LRFN5: variants seen among roughly 807,000 people sequenced by gnomAD.
LRFN5 encodes leucine rich repeat and fibronectin type III domain containing 5.
In LRFN5, 24 loss-of-function variants were observed where a neutral mutation model predicts 45.6. That is an observed-to-expected ratio of 0.53 (90% CI 0.38 to 0.74). The LOEUF is 0.74. LRFN5 is among the 30% of genes least tolerant of loss of function. The probability of loss-of-function intolerance (pLI) is 0.00; values close to 1 mark genes in which losing one functional copy is unlikely to be tolerated. For synonymous variants in LRFN5, 340 were observed against 313.8 expected, an observed-to-expected ratio of 1.08 and a Z score of -0.88; for missense variants, 776 against 861.5, an observed-to-expected ratio of 0.90 and a Z score of 1.24.
At chr14:41,814,504 A>G (rs1887849619) in intron 2 of LRFN5, among the ~76,000 whole-genome samples, 1 of 152,174 alleles carries the variant, frequency 6.6e-6, no homozygotes, top group African/African-American at 2.4e-5. Context: ...CTTGACATAG[A>G]GAGTTTGAAT....
At chr14:41,652,896 G>T (rs1282709265) in intron 1 of LRFN5, among the ~76,000 whole-genome samples, 1 of 151,942 alleles carries the variant, frequency 6.6e-6, no homozygotes, top group Non-Finnish European at 1.5e-5. Context: ...GTTTTGAGTT[G>T]CATTTCTCTA....
chr14:41,752,521 A>T (rs1434783568), intron 1 of LRFN5, among the ~76,000 whole-genome samples: 3 of 152,150 alleles, frequency 2.0e-5, no homozygotes, highest in African/African-American at 7.2e-5. Flanking sequence ...GCCAGTGATG[A>T]TGAGCATTTT....
chr14:41,712,588 C>A (rs1883331108), intron 1 of LRFN5, among the ~76,000 whole-genome samples: 1 of 151,952 alleles, frequency 6.6e-6, no homozygotes, highest in Non-Finnish European at 1.5e-5. Context: ...TCAAAAATAG[C>A]CAAGACATAT....
At chr14:41,699,233 C>T (rs1278312661) in intron 1 of LRFN5, among the ~76,000 whole-genome samples, 1 of 151,946 alleles carries the variant, frequency 6.6e-6, no homozygotes, top group Non-Finnish European at 1.5e-5. Flanking sequence ...TGAAATTCTG[C>T]TATTTAAATA....
chr14:41,757,539 C>T (rs540380243), intron 1 of LRFN5, among the ~76,000 whole-genome samples: 5 of 152,178 alleles, frequency 3.3e-5, no homozygotes, highest in South Asian at 2.1e-4. Context: ...GCTCCGTGGG[C>T]GTAGGACCCT....
At chr14:41,667,935 C>T (rs1180616515) in intron 1 of LRFN5, among the ~76,000 whole-genome samples, 2 of 152,056 alleles carry the variant, frequency 1.3e-5, no homozygotes, top group East Asian at 3.9e-4. Context: ...TTAGGAGATC[C>T]CTGCATACCA....
intron 1 of LRFN5, among the ~76,000 whole-genome samples, chr14:41,610,661 T>TAAAAA (rs199770856): frequency 0.027 from 987 of 37,228 alleles, 101 homozygotes; most frequent in East Asian, 0.11. Flanking sequence ...CCAGGGAAGG[T>TAAAAA]AAAAAAAAAA....
chr14:41,802,789 G>T (rs1356417079), intron 2 of LRFN5, among the ~76,000 whole-genome samples: 3 of 151,912 alleles, frequency 2.0e-5, no homozygotes, highest in Non-Finnish European at 4.4e-5. Context: ...CTTACTCAGA[G>T]TTTAAATTGT....
chr14:41,882,734 T>A (rs1890424851), intron 2 of LRFN5, among the ~76,000 whole-genome samples: 1 of 152,116 alleles, frequency 6.6e-6, no homozygotes, highest in South Asian at 2.1e-4. Context: ...TTCTTAGAAG[T>A]TTGGTAAAAT....
chr14:41,893,665 C>T, intron 4 of LRFN5: 1 of 985,254 alleles, frequency 1.0e-6, no homozygotes. Flanking sequence ...TTGACAAAGC[C>T]ACATCTTCTG....
At chr14:41,795,203 A>C (rs1273340320) in intron 2 of LRFN5, among the ~76,000 whole-genome samples, 1 of 152,118 alleles carries the variant, frequency 6.6e-6, no homozygotes, top group Non-Finnish European at 1.5e-5. Context: ...CCATCTAAGA[A>C]ATGCAAATCA....
chr14:41,886,087 A>C (rs983158231), intron 2 of LRFN5, among the ~76,000 whole-genome samples: 2 of 152,094 alleles, frequency 1.3e-5, no homozygotes, highest in African/African-American at 4.8e-5. Flanking sequence ...GAAGAAAAAA[A>C]TTAATCAAGA....
intron 2 of LRFN5, among the ~76,000 whole-genome samples, chr14:41,862,408 GTTAA>G (rs1485427575): frequency 6.6e-6 from 1 of 152,088 alleles, no homozygotes; most frequent in Non-Finnish European, 1.5e-5. Flanking sequence ...TTAAAGGGGG[GTTAA>G]TTAATTTTTT....
At chr14:41,738,265 A>C (rs1884532894) in intron 1 of LRFN5, among the ~76,000 whole-genome samples, 1 of 152,136 alleles carries the variant, frequency 6.6e-6, no homozygotes, top group Non-Finnish European at 1.5e-5. Context: ...CTATATAATA[A>C]ATGGTATTAG....
chr14:41,789,427 GCTTGATA>G (rs1886840875), intron 2 of LRFN5, among the ~76,000 whole-genome samples: 1 of 151,858 alleles, frequency 6.6e-6, no homozygotes, highest in Non-Finnish European at 1.5e-5. Flanking sequence ...CTCTGATATC[GCTTGATA>G]TTCACTTGAA....
chr14:41,893,235 A>T, intron 4 of LRFN5: 1 of 961,834 alleles, frequency 1.0e-6, no homozygotes, highest in Non-Finnish European at 1.2e-6. Flanking sequence ...AGTAGAAACT[A>T]ATGTTGCTCC....
At chr14:41,833,575 A>G (rs1805525643) in intron 2 of LRFN5, among the ~76,000 whole-genome samples, 1 of 152,142 alleles carries the variant, frequency 6.6e-6, no homozygotes, top group Admixed American at 6.5e-5. Context: ...TTCCTTCGTC[A>G]TTGTCTTTCA....
intron 2 of LRFN5, among the ~76,000 whole-genome samples, chr14:41,867,804 T>G (rs918506440): frequency 2.0e-5 from 3 of 152,058 alleles, no homozygotes; most frequent in African/African-American, 7.2e-5. Context: ...CTCACTTCCT[T>G]GCTGGCTTCC....
intron 2 of LRFN5, among the ~76,000 whole-genome samples, chr14:41,858,014 G>C (rs1889532279): frequency 6.6e-6 from 1 of 152,138 alleles, no homozygotes; most frequent in Admixed American, 6.6e-5. Flanking sequence ...ATACATTAGA[G>C]CTAAATTGGA....
Sources: gnomAD v4.1 joint callset for allele counts (sites outside exome capture counted in the v4.1 genomes callset) on GRCh38, gnomAD v4.1.1 for gene constraint, MANE v1.5 for transcripts, NCBI Gene and HGNC (gene_info 2026-07-23, HGNC 2026-07-21) for gene names.